Variants in CNBD1 observed in about 807,000 individuals in gnomAD.
CNBD1 encodes cyclic nucleotide-binding domain-containing protein 1.
Under a neutral mutation model 54.4 loss-of-function variants are expected in CNBD1, and 71 were observed. The observed-to-expected ratio is 1.30, with a 90% CI of 1.08 to 1.59. The LOEUF (loss-of-function observed/expected upper bound fraction) is 1.59. Ranked by LOEUF, CNBD1 falls within the 40% of genes most tolerant of loss-of-function variation. The probability of loss-of-function intolerance (pLI) is 0.00; values close to 1 mark genes in which losing one functional copy is unlikely to be tolerated. For synonymous variants in CNBD1, 182 were observed against 170.7 expected (o/e 1.07, Z -0.51); for missense variants, 659 against 518.0 (o/e 1.27, Z -2.64).
At chr8:86,987,226 C>A (rs1808628977) in intron 4 of CNBD1, among the ~76,000 whole-genome samples, 2 of 152,032 alleles carry the variant, frequency 1.3e-5, no homozygotes, top group African/African-American at 4.8e-5. Flanking sequence ...TCTTTTACAT[C>A]CTTGGTTAGC....
At chr8:87,259,227 C>T (rs577989427) in intron 6 of CNBD1, among the ~76,000 whole-genome samples, 38 of 152,252 alleles carry the variant, frequency 2.5e-4, no homozygotes, top group Admixed American at 1.8e-3. Flanking sequence ...TTTTAAACAA[C>T]CCGTCACTTT....
intron 8 of CNBD1, among the ~76,000 whole-genome samples, chr8:87,343,283 T>C (rs540948675): frequency 1.6e-4 from 24 of 152,328 alleles, no homozygotes; most frequent in African/African-American, 5.8e-4. Context: ...GATTTCATGT[T>C]GTTCAAACAC....
At chr8:87,212,694 CA>C (rs1417691332) in intron 5 of CNBD1, among the ~76,000 whole-genome samples, 2 of 151,926 alleles carry the variant, frequency 1.3e-5, no homozygotes, top group African/African-American at 4.8e-5. Flanking sequence ...ACAACATACA[CA>C]AAAAATTACC....
intron 4 of CNBD1, among the ~76,000 whole-genome samples, chr8:87,028,826 G>T (rs1809712487): frequency 1.3e-5 from 2 of 152,144 alleles, no homozygotes; most frequent in African/African-American, 2.4e-5. Context: ...GACCAGCAGG[G>T]TCAATTTCTG....
intron 6 of CNBD1, among the ~76,000 whole-genome samples, chr8:87,262,225 C>T (rs150434525): frequency 5.3e-4 from 80 of 152,100 alleles, no homozygotes; most frequent in African/African-American, 1.2e-3. Flanking sequence ...TATTAGATGT[C>T]GAAATATAAA....
intron 4 of CNBD1, among the ~76,000 whole-genome samples, chr8:87,031,465 A>G (rs1809789562): frequency 6.6e-6 from 1 of 152,174 alleles, no homozygotes; most frequent in South Asian, 2.1e-4. Flanking sequence ...AGTGGCTAGA[A>G]TTGAGAGAAG....
intron 4 of CNBD1, among the ~76,000 whole-genome samples, chr8:87,177,366 C>G (rs1463600632): frequency 1.3e-5 from 2 of 152,094 alleles, no homozygotes; most frequent in Non-Finnish European, 2.9e-5. Flanking sequence ...GTGTTGAAAA[C>G]TAATTTATAA....
chr8:87,387,099 G>C (rs1308598954), downstream of CNBD1, among the ~76,000 whole-genome samples: 3 of 152,208 alleles, frequency 2.0e-5, no homozygotes, highest in Admixed American at 1.3e-4. Flanking sequence ...AAGAGCTCCT[G>C]AAGGAAGCAC....
intron 3 of CNBD1, among the ~76,000 whole-genome samples, chr8:86,930,041 C>T (rs4595139): frequency 0.53 from 80,927 of 151,930 alleles, 21,778 homozygotes; most frequent in South Asian, 0.6. Flanking sequence ...AGGCTGTTTC[C>T]ATCTCTGGTT....
intron 10 of CNBD1, among the ~76,000 whole-genome samples, chr8:87,377,689 A>G (rs187986366): frequency 0.053 from 7,635 of 145,024 alleles, 316 homozygotes; most frequent in East Asian, 0.16. Context: ...GGCTGGGTCA[A>G]ATGGTATTTC....
At chr8:87,333,652 G>T (rs996812501) in intron 8 of CNBD1, among the ~76,000 whole-genome samples, 3 of 152,152 alleles carry the variant, frequency 2.0e-5, no homozygotes, top group Admixed American at 6.6e-5. Flanking sequence ...TTTGTCATTA[G>T]TTATGTTTAT....
At chr8:87,019,101 A>G (rs1809429486) in intron 4 of CNBD1, among the ~76,000 whole-genome samples, 1 of 151,900 alleles carries the variant, frequency 6.6e-6, no homozygotes, top group East Asian at 1.9e-4. Context: ...ATTTTTCAGA[A>G]CAGTGCTTAT....
chr8:87,138,014 A>G (rs774880284), intron 4 of CNBD1, among the ~76,000 whole-genome samples: 14 of 152,188 alleles, frequency 9.2e-5, no homozygotes, highest in Non-Finnish European at 1.3e-4. Flanking sequence ...ACCTCATTAC[A>G]TAAAACCCCA....
chr8:87,278,274 G>T (rs1282639744), intron 6 of CNBD1, among the ~76,000 whole-genome samples: 1 of 151,580 alleles, frequency 6.6e-6, no homozygotes, highest in Non-Finnish European at 1.5e-5. Flanking sequence ...ATTTAGTCCT[G>T]CCTGAAGCAG....
rs112238283 is a variant in CNBD1, at chr8:87,192,823, T to C, written c.432-13170T>C. 3.9e-4 allele frequency among the ~76,000 whole-genome samples: 60 copies of C among 152,272 alleles called. 2 individuals carry two copies. The highest frequency in any genetic ancestry group is 1.3e-3 in the African/African-American group (54 of 41,564). On this transcript the variant is annotated intron_variant, in intron 4 of 10. Transcript: ENST00000518476. ...TTAACTAGCATAGTCCCGCTTTTATTAACTTCATTTACACTCTAAGCTTTA... is the reference window on the plus strand; with the variant it reads ...TTAACTAGCATAGTCCCGCTTTTATCAACTTCATTTACACTCTAAGCTTTA...
chr8:87,203,828 G>A (rs1226312390), intron 4 of CNBD1, among the ~76,000 whole-genome samples: 1 of 152,074 alleles, frequency 6.6e-6, no homozygotes, highest in Non-Finnish European at 1.5e-5. Flanking sequence ...GCAGAGCCAG[G>A]AATAGGCTAT....
intron 2 of CNBD1, among the ~76,000 whole-genome samples, chr8:87,396,979 T>A (rs921133047): frequency 2.6e-4 from 39 of 151,682 alleles, no homozygotes; most frequent in African/African-American, 8.9e-4. Flanking sequence ...ATGAATCACG[T>A]ATAACTAATT....
At chr8:87,165,448 T>C (rs1812942959) in intron 4 of CNBD1, among the ~76,000 whole-genome samples, 1 of 152,022 alleles carries the variant, frequency 6.6e-6, no homozygotes, top group Admixed American at 6.6e-5. Context: ...GTTGGGTGAA[T>C]ATATATTTAC....
chr8:87,107,727 AG>A (rs5893011), intron 4 of CNBD1, among the ~76,000 whole-genome samples: 38,590 of 152,044 alleles, frequency 0.25, 5,325 homozygotes, highest in African/African-American at 0.36. Flanking sequence ...ACTCCCTTTT[AG>A]TTGTCTATGT....
Sources: allele counts gnomAD v4.1 joint callset (sites outside exome capture counted in the v4.1 genomes callset), GRCh38; gene constraint gnomAD v4.1.1; transcripts MANE v1.5; gene names NCBI Gene and HGNC (gene_info 2026-07-23, HGNC 2026-07-21).